RORA: variants seen among roughly 807,000 people sequenced by gnomAD.
RORA encodes the protein nuclear receptor ROR-alpha.
RORA carries 7 observed loss-of-function variants against 69.5 expected under a neutral mutation model. That is an observed-to-expected ratio of 0.10 (90% confidence interval 0.06 to 0.19). The LOEUF is 0.19. Among genes scored for constraint, RORA ranks in the 10% least tolerant of loss-of-function variants. RORA has a pLI of 1.00. For missense variants in RORA, 457 were observed against 663.0 expected, an observed-to-expected ratio of 0.69 and a Z score of 3.41; for synonymous variants, 261 against 240.8, an observed-to-expected ratio of 1.08 and a Z score of -0.78.
At chr15:60,935,873 G>A (rs553409578) in intron 1 of RORA, among the ~76,000 whole-genome samples, 78 of 152,340 alleles carry the variant, frequency 5.1e-4, no homozygotes, top group African/African-American at 1.8e-3. Flanking sequence ...CTTCCCAAAA[G>A]TTAGCTTTGC....
chr15:61,100,275 G>C (rs7169433), intron 1 of RORA, among the ~76,000 whole-genome samples: 32 of 151,716 alleles, frequency 2.1e-4, no homozygotes, highest in Non-Finnish European at 3.1e-4. Context: ...CGTGTCACCA[G>C]GTCCAGCTAA....
intron 2 of RORA, among the ~76,000 whole-genome samples, chr15:60,553,385 G>C (rs987021661): frequency 6.6e-6 from 1 of 152,194 alleles, no homozygotes; most frequent in Non-Finnish European, 1.5e-5. Context: ...AGCCAGGCTT[G>C]TTGGTTGGTT....
intron 2 of RORA, among the ~76,000 whole-genome samples, chr15:60,634,591 G>C (rs1004209385): frequency 1.3e-5 from 2 of 150,746 alleles, no homozygotes; most frequent in East Asian, 1.9e-4. Context: ...TTTTAGTAGA[G>C]ACAGGGTTTC....
intron 1 of RORA, among the ~76,000 whole-genome samples, chr15:60,838,758 A>G (rs2073152922): frequency 4.0e-5 from 6 of 150,760 alleles, no homozygotes; most frequent in Admixed American, 4.0e-4. Context: ...TCTGGGTTTA[A>G]CTCAGTTCCC....
At chr15:61,023,246 C>T (rs1387949365) in intron 1 of RORA, among the ~76,000 whole-genome samples, 1 of 150,936 alleles carries the variant, frequency 6.6e-6, no homozygotes, top group African/African-American at 2.4e-5. Context: ...TTTCACACTC[C>T]TGATAAAGAC....
intron 1 of RORA, among the ~76,000 whole-genome samples, chr15:61,048,462 G>C (rs991536830): frequency 6.6e-6 from 1 of 152,198 alleles, no homozygotes; most frequent in Admixed American, 6.5e-5. Flanking sequence ...TCTGTCAAGA[G>C]TCACACGGCA....
At chr15:60,683,277 G>T (rs1321283897) in intron 1 of RORA, among the ~76,000 whole-genome samples, 6 of 150,340 alleles carry the variant, frequency 4.0e-5, no homozygotes, top group Admixed American at 2.0e-4. Flanking sequence ...CTCTCAAAGT[G>T]CTGGATTAAA....
rs538672620 is a variant in RORA, at chr15:60,974,421, C to A, written c.166+254632G>T. ...TATACATTGGGAAAAATTGCTGCCT[C>A]ACCCATTTCTCCCCTTCACACAGCC... On this transcript the variant is annotated intron_variant, in intron 1 of 10. Coordinates refer to ENST00000335670, the MANE Select transcript of RORA (RefSeq NM_134261.3). 4.6e-5 allele frequency among the ~76,000 whole-genome samples: 7 copies of A among 152,314 alleles called. No individual in the cohort carries two copies. The South Asian group carries it at 8.3e-4, about 18-fold the overall frequency.
chr15:60,970,082 G>A (rs1478268940), intron 1 of RORA, among the ~76,000 whole-genome samples: 2 of 152,138 alleles, frequency 1.3e-5, no homozygotes, highest in Non-Finnish European at 1.5e-5. Flanking sequence ...GACGGCAGCC[G>A]CCTACCAGCC....
chr15:60,893,390 T>C (rs1891132847), intron 1 of RORA, among the ~76,000 whole-genome samples: 1 of 152,178 alleles, frequency 6.6e-6, no homozygotes, highest in African/African-American at 2.4e-5. Context: ...GAAGAGGGTA[T>C]TAAACATTTT....
intron 1 of RORA, among the ~76,000 whole-genome samples, chr15:61,178,250 G>A (rs1265999271): frequency 6.6e-6 from 1 of 152,156 alleles, no homozygotes; most frequent in East Asian, 1.9e-4. Flanking sequence ...CTTTCCTAAA[G>A]TGATACAAAA....
intron 1 of RORA, among the ~76,000 whole-genome samples, chr15:61,098,489 T>G (rs572486459): frequency 6.6e-6 from 1 of 152,116 alleles, no homozygotes; most frequent in South Asian, 2.1e-4. Context: ...TACAGGCACA[T>G]GCCATCATGC....
intron 1 of RORA, among the ~76,000 whole-genome samples, chr15:61,096,130 C>A (rs190567984): frequency 3.2e-4 from 49 of 152,286 alleles, no homozygotes; most frequent in African/African-American, 9.1e-4. Context: ...AGACCCCATG[C>A]GGACAGCACC....
At chr15:60,887,879 C>G (rs896344333) in intron 1 of RORA, among the ~76,000 whole-genome samples, 17 of 152,246 alleles carry the variant, frequency 1.1e-4, no homozygotes, top group African/African-American at 3.6e-4. Flanking sequence ...CATTCCCTCA[C>G]ATCTTACTTC....
chr15:60,639,350 CT>C (rs1367587819), intron 2 of RORA, among the ~76,000 whole-genome samples: 1 of 151,842 alleles, frequency 6.6e-6, no homozygotes, highest in Non-Finnish European at 1.5e-5. Flanking sequence ...CTTATTTTCC[CT>C]TCTTAGAATA....
At chr15:60,660,012 A>C (rs1453559544) in intron 2 of RORA, among the ~76,000 whole-genome samples, 1 of 152,220 alleles carries the variant, frequency 6.6e-6, no homozygotes, top group East Asian at 1.9e-4. Context: ...AATATTAAAA[A>C]ATTATTTACT....
chr15:61,121,602 T>A, intron 1 of RORA, among the ~76,000 whole-genome samples: 1 of 152,120 alleles, frequency 6.6e-6, no homozygotes. Context: ...AAATCTGTCA[T>A]GGCGAGGGCA....
At position 61,061,530 on chromosome 15, in the gene RORA, C is replaced by T. The variant is rs2078186792; in HGVS notation, c.166+167523G>A. On this transcript the variant is annotated intron_variant, in intron 1 of 10. Transcript: ENST00000335670. This position sits in a 1 kb window ranked among gnomAD's most constrained non-coding sequence, Gnocchi z 4.4. Reference sequence around the variant, plus strand: ...GGATAGACAAACTTCTGACCTCGCCCCTCATTCTAAAGTGTAATTCCCAGA... The same window carrying T: ...GGATAGACAAACTTCTGACCTCGCCTCTCATTCTAAAGTGTAATTCCCAGA... Among the ~76,000 whole-genome samples the T allele has an allele frequency of 6.6e-6, 1 of 151,992 alleles. No homozygotes were observed. The highest frequency in any genetic ancestry group is 1.5e-5 in the Non-Finnish European group (1 of 67,988).
chr15:60,871,225 G>T (rs1193818843), intron 1 of RORA, among the ~76,000 whole-genome samples: 1 of 152,166 alleles, frequency 6.6e-6, no homozygotes, highest in East Asian at 1.9e-4. Flanking sequence ...TCCTGTTGCA[G>T]ATCAAAGATT....
Sources: gnomAD v4.1 joint callset for allele counts (sites outside exome capture counted in the v4.1 genomes callset) on GRCh38, gnomAD v4.1.1 for gene constraint, Gnocchi (gnomAD v3.1) non-coding constraint, MANE v1.5 for transcripts, NCBI Gene and HGNC (gene_info 2026-07-23, HGNC 2026-07-21) for gene names.